The following GRXCR1 variants were observed in gnomAD, a reference collection of about 807,000 sequenced individuals.
GRXCR1 encodes the protein glutaredoxin and cysteine rich domain containing 1.
GRXCR1 carries 27 observed loss-of-function variants against 27.3 expected under a neutral mutation model. That is an observed-to-expected ratio of 0.99 (90% CI 0.73 to 1.37). The LOEUF (loss-of-function observed/expected upper bound fraction) is 1.37, where lower values mean the gene tolerates loss of function less well. Among genes scored for constraint, GRXCR1 ranks in the 40% most tolerant of loss-of-function variants. The pLI is 0.00. For missense variants in GRXCR1, 379 were observed against 354.4 expected, an observed-to-expected ratio of 1.07 and a Z score of -0.56; for synonymous variants, 122 against 131.1, an observed-to-expected ratio of 0.93 and a Z score of 0.47.
intron 2 of GRXCR1, among the ~76,000 whole-genome samples, chr4:42,982,826 A>G (rs1354639073): frequency 1.9e-4 from 29 of 149,916 alleles, no homozygotes; most frequent in African/African-American, 6.8e-4. Flanking sequence ...GCATTTTTTC[A>G]TGTGTTTTTT....
At chr4:42,936,670 G>C (rs2109760338) in intron 1 of GRXCR1, among the ~76,000 whole-genome samples, 1 of 151,862 alleles carries the variant, frequency 6.6e-6, no homozygotes, top group South Asian at 2.1e-4. Flanking sequence ...ATCTCATCTA[G>C]GTTAGATATT....
intron 1 of GRXCR1, among the ~76,000 whole-genome samples, chr4:42,924,128 A>AG (rs1252409109): frequency 6.6e-6 from 1 of 152,104 alleles, no homozygotes; most frequent in Non-Finnish European, 1.5e-5. Flanking sequence ...GATGCTTGGG[A>AG]GATGCCTGAG....
chr4:43,015,538 T>C (rs1712904728), intron 2 of GRXCR1, among the ~76,000 whole-genome samples: 1 of 152,106 alleles, frequency 6.6e-6, no homozygotes, highest in Non-Finnish European at 1.5e-5. Flanking sequence ...TTATGCAAGA[T>C]ATTGTTATAT....
At chr4:42,899,148 A>T (rs536781436) in intron 1 of GRXCR1, among the ~76,000 whole-genome samples, 7 of 152,176 alleles carry the variant, frequency 4.6e-5, no homozygotes, top group African/African-American at 1.7e-4. Context: ...TAACCCTCTT[A>T]GTGGTTATTT....
At chr4:42,986,757 G>A (rs1187364560) in intron 2 of GRXCR1, among the ~76,000 whole-genome samples, 1 of 152,014 alleles carries the variant, frequency 6.6e-6, no homozygotes. Flanking sequence ...GAGATTCTCT[G>A]GAACTCAGGT....
chr4:42,917,161 G>A (rs1746903707), intron 1 of GRXCR1, among the ~76,000 whole-genome samples: 1 of 152,032 alleles, frequency 6.6e-6, no homozygotes, highest in African/African-American at 2.4e-5. Context: ...AATACATTTG[G>A]TATCTATCTA....
intron 1 of GRXCR1, among the ~76,000 whole-genome samples, chr4:42,896,043 A>G (rs1234159068): frequency 6.6e-6 from 1 of 152,170 alleles, no homozygotes; most frequent in Admixed American, 6.6e-5. Flanking sequence ...GTGATTGAAG[A>G]AACAGTGAGG....
At chr4:42,956,466 T>G (rs1748006840) in intron 1 of GRXCR1, among the ~76,000 whole-genome samples, 2 of 151,864 alleles carry the variant, frequency 1.3e-5, no homozygotes, top group Non-Finnish European at 2.9e-5. Flanking sequence ...TTTTTTTTTT[T>G]GCCAAAGGCA....
chr4:42,990,173 CTTTTTTTTTTTTTTTTTTTTTTTTTTTTT>C (rs745784596), intron 2 of GRXCR1, among the ~76,000 whole-genome samples: 2 of 46,200 alleles, frequency 4.3e-5, no homozygotes, highest in African/African-American at 1.7e-4. Context: ...ATTATTAGTT[CTTTTTTTTTTTTTTTTTTTTTTTTTTTTT>C]TTTTTTTGAG....
chr4:42,923,604 A>C (rs1048166540), intron 1 of GRXCR1, among the ~76,000 whole-genome samples: 1 of 152,092 alleles, frequency 6.6e-6, no homozygotes, highest in Non-Finnish European at 1.5e-5. Flanking sequence ...CCTGGGCCAC[A>C]TCCAAGTTAA....
At chr4:42,978,372 A>C (rs942411156) in intron 2 of GRXCR1, among the ~76,000 whole-genome samples, 1 of 151,980 alleles carries the variant, frequency 6.6e-6, no homozygotes, top group Non-Finnish European at 1.5e-5. Flanking sequence ...ATAGACAGTG[A>C]ATTTAATTTG....
intron 1 of GRXCR1, among the ~76,000 whole-genome samples, chr4:42,922,913 T>C (rs1435414496): frequency 6.6e-6 from 1 of 152,092 alleles, no homozygotes; most frequent in East Asian, 1.9e-4. Context: ...TGCTAAATAG[T>C]AAGAAAGTAA....
chr4:42,937,627 T>C (rs1332651584), intron 1 of GRXCR1, among the ~76,000 whole-genome samples: 1 of 151,932 alleles, frequency 6.6e-6, no homozygotes, highest in Admixed American at 6.6e-5. Context: ...TCTAATCCAT[T>C]ACCACATGGA....
At chr4:43,013,899 T>C (rs1712846854) in intron 2 of GRXCR1, among the ~76,000 whole-genome samples, 1 of 152,256 alleles carries the variant, frequency 6.6e-6, no homozygotes, top group African/African-American at 2.4e-5. Flanking sequence ...AGTTTGATAA[T>C]ATGGCTTTAT....
chr4:42,977,864 C>G (rs900520250), intron 2 of GRXCR1, among the ~76,000 whole-genome samples: 4 of 151,862 alleles, frequency 2.6e-5, no homozygotes, highest in Non-Finnish European at 4.4e-5. Context: ...GGAGTCATAT[C>G]CAAAAAATTA....
intron 1 of GRXCR1, among the ~76,000 whole-genome samples, chr4:42,902,862 A>T (rs1449339016): frequency 6.6e-6 from 1 of 152,202 alleles, no homozygotes; most frequent in African/African-American, 2.4e-5. Flanking sequence ...AGAAAAATGA[A>T]GAATGACTCT....
At chr4:43,020,926 C>A (rs1713074486) in intron 3 of GRXCR1, among the ~76,000 whole-genome samples, 1 of 152,046 alleles carries the variant, frequency 6.6e-6, no homozygotes, top group Admixed American at 6.6e-5. Flanking sequence ...ACCGGAAAGC[C>A]CTTATTACCT....
chr4:43,007,861 TG>T, intron 2 of GRXCR1, among the ~76,000 whole-genome samples: 1 of 152,364 alleles, frequency 6.6e-6, no homozygotes, highest in East Asian at 1.9e-4. Flanking sequence ...TAAATGTCTT[TG>T]GCTTTTACTC....
rs566927196 is a variant in GRXCR1, at chr4:42,966,095, A to G, written c.627+2961A>G. Among the ~76,000 whole-genome samples, 68 of 152,246 alleles carry G rather than the reference A, an allele frequency of 4.5e-4. No homozygotes were observed. The East Asian group carries it at 6.2e-3, about 14-fold the overall frequency. Reference sequence around the variant, plus strand: ...AATCTGCACTGCCCTTGGATACTCCACAGTGGGGGGCAGGGGAGCAAATTC... The same window carrying G: ...AATCTGCACTGCCCTTGGATACTCCGCAGTGGGGGGCAGGGGAGCAAATTC... On this transcript the variant is annotated intron_variant, in intron 2 of 3. Coordinates refer to ENST00000399770, the MANE Select transcript of GRXCR1 (RefSeq NM_001080476.3).
Sources: gnomAD v4.1 joint callset for allele counts (sites outside exome capture counted in the v4.1 genomes callset) on GRCh38, gnomAD v4.1.1 for gene constraint, MANE v1.5 for transcripts, NCBI Gene and HGNC (gene_info 2026-07-23, HGNC 2026-07-21) for gene names.